CYFIP1: variants seen among roughly 807,000 people sequenced by gnomAD.
The protein encoded by CYFIP1 is cytoplasmic FMR1 interacting protein 1.
In CYFIP1, 58 loss-of-function variants were observed where a neutral mutation model predicts 163.5. The observed-to-expected ratio is 0.35, with a 90% CI of 0.29 to 0.44. The LOEUF is 0.44. CYFIP1 is among the 20% of genes least tolerant of loss of function. The pLI is 1.00. For missense variants in CYFIP1, 1,338 were observed against 1,653.8 expected, an observed-to-expected ratio of 0.81 and a Z score of 3.31; for synonymous variants, 663 against 660.7, an observed-to-expected ratio of 1.00 and a Z score of -0.05.
intron 26 of CYFIP1, among the ~76,000 whole-genome samples, chr15:22,875,822 CTT>C (rs1262224819): frequency 1.3e-5 from 2 of 148,888 alleles, no homozygotes; most frequent in Non-Finnish European, 3.0e-5. Context: ...CCGAACTGCT[CTT>C]GGGTCACAAG....
In CYFIP1 at chr15:22,868,364, A is replaced by ATAATAAT. The variant is rs1555392622; in HGVS notation, c.*1663_*1664insATTATTA. On this transcript the variant is annotated 3_prime_UTR_variant, in exon 31 of 31. Transcript: ENST00000617928. ...CATTTGAACATGCATAGGTTAATAA[A>ATAATAAT]TAATAAATTCTTATTTAACATTTTG... 1.3e-5 allele frequency: 2 copies of ATAATAAT among 151,970 alleles called. No individual in the cohort carries two copies. The highest frequency in any genetic ancestry group is 2.9e-5 in the Non-Finnish European group (2 of 68,024). 9.4% of individuals were successfully genotyped at this position (151,970 alleles called of 1,614,324 possible).
chr15:22,951,245 G>A (rs927249492), intron 1 of CYFIP1: 1 of 927,872 alleles, frequency 1.1e-6, no homozygotes, highest in Non-Finnish European at 1.3e-6. Context: ...GTAAGGGAAC[G>A]CCCCCGACCG....
rs1035742703 is a variant in CYFIP1, at chr15:22,884,110, G to A, written c.2677-1099C>T. 4.4e-5 allele frequency among the ~76,000 whole-genome samples: 3 copies of A among 67,416 alleles called. No individual in the cohort carries two copies. The Admixed American group carries it at 5.7e-4, about 13-fold the overall frequency. The allele number at this position is 67,416 out of a possible 152,430, so 44.2% of individuals were successfully genotyped here. A position where few individuals can be genotyped will look rare whatever the true frequency, so the allele number is the denominator to read the frequency against. On this transcript the variant is annotated intron_variant, in intron 23 of 30. Coordinates refer to ENST00000617928, the MANE Select transcript of CYFIP1 (RefSeq NM_014608.6). Reference sequence around the variant, plus strand: ...GTGGGCATAATGGGGATTACAAGTGGAGATGAGATTTGGGTGGGGGACACA... The same window carrying A: ...GTGGGCATAATGGGGATTACAAGTGAAGATGAGATTTGGGTGGGGGACACA...
At chr15:22,872,666 ATTATAT>A in intron 30 of CYFIP1, 153 bp downstream of exon 30, 1 of 689,270 alleles carries the variant, frequency 1.5e-6, no homozygotes, top group Middle Eastern at 4.0e-4. Context: ...TTACTGGCCA[ATTATAT>A]TTAGATTCAT....
intron 1 of CYFIP1, among the ~76,000 whole-genome samples, chr15:22,957,111 G>A (rs1157757486): frequency 2.6e-5 from 4 of 152,176 alleles, no homozygotes; most frequent in East Asian, 1.9e-4. Flanking sequence ...GCACGCCGAC[G>A]CTAACTCCCG....
At chr15:22,896,328 C>T (rs757740241) in intron 22 of CYFIP1, among the ~76,000 whole-genome samples, 3 of 152,054 alleles carry the variant, frequency 2.0e-5, no homozygotes, top group African/African-American at 7.2e-5. Flanking sequence ...TTGTGTCGAT[C>T]CTGCTTGAGG....
intron 23 of CYFIP1, among the ~76,000 whole-genome samples, chr15:22,888,733 C>A (rs1344061991): frequency 7.2e-5 from 10 of 138,298 alleles, no homozygotes; most frequent in South Asian, 2.3e-4. Flanking sequence ...AACCCTGTCT[C>A]AAAAAAAAAA....
At chr15:22,932,440 T>C in intron 10 of CYFIP1, 100 bp from the exon 11 acceptor site, 2 of 674,856 alleles carry the variant, frequency 3.0e-6, no homozygotes, top group Non-Finnish European at 4.7e-6. Flanking sequence ...GCCACACAAA[T>C]GGCTTTTATG....
At chr15:22,926,169 T>C (rs1269252200) in intron 12 of CYFIP1, 62 bp from the exon 13 acceptor site, 5 of 1,604,326 alleles carry the variant, frequency 3.1e-6, no homozygotes, top group Non-Finnish European at 4.3e-6. Context: ...GCTTCTGGTC[T>C]GACTCACACG....
chr15:22,867,391 A>G lies in CYFIP1; in HGVS notation c.*2637T>C, dbSNP rs1395797069. 1 of 372,446 alleles carries G rather than the reference A, an allele frequency of 2.7e-6. No individual in the cohort carries two copies. Among genetic ancestry groups the G allele is most frequent in the Non-Finnish European group, 4.7e-6 (1 of 210,612 alleles). 23.1% of individuals were successfully genotyped at this position (372,446 alleles called of 1,614,324 possible). ...TGAAGGAACCTCTTTCTTACAAAAC[A>G]AAAAAAAGGGCAGAAATCACCCCAA... is the stretch of plus-strand genomic sequence containing the variant. On this transcript the variant is annotated 3_prime_UTR_variant, in exon 31 of 31. Coordinates refer to ENST00000617928, the MANE Select transcript of CYFIP1 (RefSeq NM_014608.6).
chr15:22,925,886 T>C, intron 13 of CYFIP1, 96 bp downstream of exon 13: 2 of 1,541,668 alleles, frequency 1.3e-6, no homozygotes, highest in Admixed American at 3.5e-5. Context: ...AAGCAATGAG[T>C]AAACAGGCAG....
chr15:22,879,871 G>GTGGGC, intron 26 of CYFIP1, 42 bp downstream of exon 26: 1 of 1,482,412 alleles, frequency 6.7e-7, no homozygotes, highest in Non-Finnish European at 9.1e-7. Context: ...GTGGGGTGGG[G>GTGGGC]TGGGCTGGGG....
chr15:22,870,898 A>G (rs2059415106), intron 30 of CYFIP1, among the ~76,000 whole-genome samples: 1 of 152,238 alleles, frequency 6.6e-6, no homozygotes, highest in Admixed American at 6.5e-5. Flanking sequence ...TACCACAGGA[A>G]TAAAGAACAC....
At chr15:22,957,557 A>AC (rs1185446178) in intron 1 of CYFIP1, among the ~76,000 whole-genome samples, 1 of 152,170 alleles carries the variant, frequency 6.6e-6, no homozygotes, top group South Asian at 2.1e-4. Flanking sequence ...AATGGCGTGA[A>AC]CCCAGGAGGC....
chr15:22,957,082 G>A (rs908580553), intron 1 of CYFIP1, among the ~76,000 whole-genome samples: 3 of 152,246 alleles, frequency 2.0e-5, no homozygotes, highest in Non-Finnish European at 4.4e-5. Flanking sequence ...CCACGCAGGC[G>A]GCAGTGCTGT....
At chr15:22,971,060 A>G (rs2063077711) in intron 1 of CYFIP1, among the ~76,000 whole-genome samples, 1 of 152,108 alleles carries the variant, frequency 6.6e-6, no homozygotes, top group East Asian at 1.9e-4. Flanking sequence ...TGGGCGACAG[A>G]GCAAGGATCT....
intron 1 of CYFIP1, 30 bp downstream of exon 1, chr15:22,980,257 G>A (rs1328827772): frequency 6.6e-6 from 1 of 151,720 alleles, no homozygotes; most frequent in Admixed American, 6.6e-5. Context: ...GGAGGCCGCA[G>A]GGCAGGCGCG....
intron 1 of CYFIP1, among the ~76,000 whole-genome samples, chr15:22,950,555 C>A (rs758845171): frequency 6.9e-4 from 105 of 152,346 alleles, no homozygotes; most frequent in African/African-American, 2.3e-3. Flanking sequence ...TCACTTTCCA[C>A]GATTTCAATG....
At chr15:22,902,904 T>A (rs992144771) in intron 22 of CYFIP1, among the ~76,000 whole-genome samples, 1 of 152,034 alleles carries the variant, frequency 6.6e-6, no homozygotes, top group South Asian at 2.1e-4. Flanking sequence ...AGAGCTCTCA[T>A]CAGAGCTCGG....
Sources: gnomAD v4.1 joint callset for allele counts (sites outside exome capture counted in the v4.1 genomes callset) on GRCh38, gnomAD v4.1.1 for gene constraint, MANE v1.5 for transcripts, NCBI Gene and HGNC (gene_info 2026-07-23, HGNC 2026-07-21) for gene names.